Variants in MAP3K13 observed in about 807,000 individuals in gnomAD.
The protein encoded by MAP3K13 is leucine zipper-bearing kinase.
In MAP3K13, 52 loss-of-function variants were observed where a neutral mutation model predicts 104.0. The ratio of observed to expected loss-of-function variants is 0.50; its 90% CI spans 0.40 to 0.63. The LOEUF is 0.63. Among genes scored for constraint, MAP3K13 ranks in the 20% least tolerant of loss-of-function variants. MAP3K13 has a pLI of 0.00. For synonymous variants in MAP3K13, 394 were observed against 442.2 expected (o/e 0.89, Z 1.37); for missense variants, 914 against 1,218.5 (o/e 0.75, Z 3.72).
At chr3:185,477,483 T>G (rs1211597380) in intron 12 of MAP3K13, 87 bp downstream of exon 12, 2 of 963,082 alleles carry the variant, frequency 2.1e-6, no homozygotes, top group Admixed American at 3.7e-5. Flanking sequence ...CAACCACAGG[T>G]GATTCCCTGG....
At chr3:185,385,395 A>T (rs1364055850) in intron 1 of MAP3K13, among the ~76,000 whole-genome samples, 1 of 152,062 alleles carries the variant, frequency 6.6e-6, no homozygotes, top group Non-Finnish European at 1.5e-5. Flanking sequence ...CTGGTCTCGA[A>T]CTCCTGGCCT....
At position 185,418,860 on chromosome 3, in the gene MAP3K13, T is replaced by C. The variant is rs1387355910; in HGVS notation, c.-85-9637T>C. 3.6e-6 allele frequency: 5 copies of C among 1,406,134 alleles called. No individual in the cohort carries two copies. In the African/African-American group the frequency reaches 7.2e-5, roughly 20 times the overall value. 87.1% of individuals were successfully genotyped at this position (1,406,134 alleles called of 1,614,324 possible). ...CATGTTCTTGTCTTTTCATCTGTTTTGGGTTTCAGTTCTCTTAATCATGAT... is the reference window on the plus strand; with the variant it reads ...CATGTTCTTGTCTTTTCATCTGTTTCGGGTTTCAGTTCTCTTAATCATGAT... On this transcript the variant is annotated intron_variant, in intron 1 of 13. Coordinates refer to ENST00000265026, the MANE Select transcript of MAP3K13 (RefSeq NM_004721.5). This position sits in a 1 kb window ranked among gnomAD's most constrained non-coding sequence, Gnocchi z 4.5.
intron 1 of MAP3K13, among the ~76,000 whole-genome samples, chr3:185,363,661 T>G (rs59988965): frequency 0.084 from 12,776 of 152,198 alleles, 705 homozygotes; most frequent in East Asian, 0.21. Flanking sequence ...GAGATTCATT[T>G]CTCTGAGAGA....
intron 4 of MAP3K13, among the ~76,000 whole-genome samples, chr3:185,446,501 A>G (rs1692642109): frequency 6.6e-6 from 1 of 152,214 alleles, no homozygotes; most frequent in African/African-American, 2.4e-5. Context: ...AGTTCTGAAC[A>G]GGTTATTGCA....
chr3:185,470,035 G>A (rs191704051), intron 10 of MAP3K13, among the ~76,000 whole-genome samples: 142 of 152,284 alleles, frequency 9.3e-4, no homozygotes, highest in African/African-American at 2.6e-3. Flanking sequence ...GCTATTGCAG[G>A]GGTAGGAAGG....
intron 2 of MAP3K13, among the ~76,000 whole-genome samples, chr3:185,325,487 G>A (rs886646860): frequency 3.3e-5 from 5 of 152,116 alleles, no homozygotes; most frequent in African/African-American, 7.2e-5. Context: ...ACTTGCAGCC[G>A]TCACGTGTGT....
chr3:185,361,098 ATGTGTGTG>A (rs34760922), upstream of MAP3K13, among the ~76,000 whole-genome samples: 470 of 146,542 alleles, frequency 3.2e-3, 3 homozygotes, highest in African/African-American at 8.4e-3. Flanking sequence ...ATATATATAT[ATGTGTGTG>A]TGTGTGTGTG....
At chr3:185,383,385 G>A (rs57175457) in intron 1 of MAP3K13, among the ~76,000 whole-genome samples, 13,453 of 151,848 alleles carry the variant, frequency 0.089, 981 homozygotes, top group African/African-American at 0.19. Context: ...CCAGTAATGG[G>A]ATTTTACTAA....
intron 3 of MAP3K13, among the ~76,000 whole-genome samples, chr3:185,443,206 C>T (rs1217051962): frequency 6.6e-6 from 1 of 152,126 alleles, no homozygotes; most frequent in Non-Finnish European, 1.5e-5. Context: ...AGGCACCAGA[C>T]ACAGCACAGC....
intron 1 of MAP3K13, among the ~76,000 whole-genome samples, chr3:185,409,403 AT>A (rs1329247440): frequency 6.6e-6 from 1 of 152,174 alleles, no homozygotes; most frequent in Non-Finnish European, 1.5e-5. Flanking sequence ...AATATCTCTG[AT>A]TATCAGGGAA....
At chr3:185,421,467 G>A (rs1369663179) in intron 1 of MAP3K13, among the ~76,000 whole-genome samples, 1 of 152,040 alleles carries the variant, frequency 6.6e-6, no homozygotes, top group African/African-American at 2.4e-5. Flanking sequence ...CAAAGTGCTG[G>A]GATTACAGGC....
chr3:185,316,985 A>G (rs1049320409), intron 2 of MAP3K13, among the ~76,000 whole-genome samples: 2 of 152,194 alleles, frequency 1.3e-5, no homozygotes, highest in African/African-American at 2.4e-5. Context: ...TATTCCAGCC[A>G]CTGTTATAAA....
At chr3:185,454,791 T>C (rs185261745) in intron 7 of MAP3K13, among the ~76,000 whole-genome samples, 1 of 63,980 alleles carries the variant, frequency 1.6e-5, no homozygotes, top group Admixed American at 2.1e-4. Context: ...ATATACATGA[T>C]ATATATGAGA....
intron 1 of MAP3K13, among the ~76,000 whole-genome samples, chr3:185,400,790 C>T (rs1038478429): frequency 5.5e-4 from 81 of 146,938 alleles, no homozygotes; most frequent in African/African-American, 2.0e-3. Context: ...ATCTCAAGTG[C>T]TTATAAGGCT....
At chr3:185,430,515 T>C (rs1366198968) in intron 2 of MAP3K13, among the ~76,000 whole-genome samples, 1 of 152,158 alleles carries the variant, frequency 6.6e-6, no homozygotes, top group Non-Finnish European at 1.5e-5. Context: ...TGTTTTCTCA[T>C]CATTTAGCTC....
chr3:185,307,270 T>G (rs1721318002), intron 2 of MAP3K13, among the ~76,000 whole-genome samples: 1 of 152,148 alleles, frequency 6.6e-6, no homozygotes, highest in South Asian at 2.1e-4. Flanking sequence ...AAGTAACCTC[T>G]CTGTCCTTTT....
At chr3:185,335,131 TGAACTTATTGCAA>T (rs995674988) in intron 2 of MAP3K13, among the ~76,000 whole-genome samples, 20 of 152,266 alleles carry the variant, frequency 1.3e-4, no homozygotes, top group African/African-American at 4.8e-4. Flanking sequence ...TACAATTAAA[TGAACTTATTGCAA>T]GAACTTCTTA....
rs2108793542 is a variant in MAP3K13, at chr3:185,418,620, A to G, written c.-85-9877A>G. 6.2e-7 allele frequency: 1 copy of G among 1,612,110 alleles called. No individual in the cohort carries two copies. Among genetic ancestry groups the G allele is most frequent in the South Asian group, 1.1e-5 (1 of 91,000 alleles). On this transcript the variant is annotated intron_variant, in intron 1 of 13. Transcript: ENST00000265026. This position sits in a 1 kb window ranked among gnomAD's most constrained non-coding sequence, Gnocchi z 4.5. ...TCTGATGACCTGCTAATTCACTGGC[A>G]GCGTAGGGCTGTCTGTTGTTTTTGC...
At chr3:185,388,622 G>C (rs892742287) in intron 1 of MAP3K13, among the ~76,000 whole-genome samples, 16 of 152,106 alleles carry the variant, frequency 1.1e-4, no homozygotes, top group African/African-American at 3.6e-4. Flanking sequence ...AAGCAATCTA[G>C]AGAGTCAATG....
Sources: allele counts gnomAD v4.1 joint callset (sites outside exome capture counted in the v4.1 genomes callset), GRCh38; gene constraint gnomAD v4.1.1; non-coding constraint Gnocchi (gnomAD v3.1); transcripts MANE v1.5; gene names NCBI Gene and HGNC (gene_info 2026-07-23, HGNC 2026-07-21).